CRYBG1: variants seen among roughly 807,000 people sequenced by gnomAD.
CRYBG1 encodes the protein beta/gamma crystallin domain-containing protein 1.
CRYBG1 carries 139 observed loss-of-function variants against 189.2 expected under a neutral mutation model. The ratio of observed to expected loss-of-function variants is 0.73; its 90% CI spans 0.64 to 0.85. CRYBG1 has a LOEUF of 0.85. Ranked by LOEUF, CRYBG1 falls within the 40% of genes least tolerant of loss-of-function variation. CRYBG1 has a pLI of 0.00. For synonymous variants in CRYBG1, 1,023 were observed against 1,017.1 expected (o/e 1.01, Z -0.11); for missense variants, 2,611 against 2,675.8 (o/e 0.98, Z 0.53).
At chr6:106,480,073 A>T (rs950518227) in intron 2 of CRYBG1, among the ~76,000 whole-genome samples, 3 of 151,782 alleles carry the variant, frequency 2.0e-5, no homozygotes, top group Non-Finnish European at 2.9e-5. Flanking sequence ...ATCCATTTTG[A>T]GTTATTTTTT....
At chr6:106,506,419 C>T (rs1773133751) in intron 2 of CRYBG1, among the ~76,000 whole-genome samples, 1 of 143,492 alleles carries the variant, frequency 7.0e-6, no homozygotes, top group African/African-American at 2.6e-5. Flanking sequence ...CATCACTTTA[C>T]TCAAAATGTT....
chr6:106,370,789 TG>T (rs1770008967), intron 1 of CRYBG1, among the ~76,000 whole-genome samples: 1 of 152,184 alleles, frequency 6.6e-6, no homozygotes, highest in Non-Finnish European at 1.5e-5. Context: ...ACTCCTGGCC[TG>T]TACCCACCTT....
chr6:106,519,807 G>T lies in CRYBG1; in HGVS notation c.2599G>T (p.Glu867Ter). The change falls in exon 4 of 22, where the codon GAG becomes TAG. Residue 867 changes from glutamate to a stop codon, truncating the protein, a stop_gained. Transcript: ENST00000633556. LOFTEE classifies it high-confidence loss of function. ...HTFSDSQSPAESSPGPSLSLS... is the reference protein window; with the variant it reads ...HTFSDSQSPA ...ATTTTCTGACTCACAGTCCCCTGCTGAGTCATCTCCTGGGCCTTCTCTTTC... is the reference window on the plus strand; with the variant it reads ...ATTTTCTGACTCACAGTCCCCTGCTTAGTCATCTCCTGGGCCTTCTCTTTC... 1 of 1,614,070 alleles carries T rather than the reference G, an allele frequency of 6.2e-7. No individual in the cohort carries two copies. Among genetic ancestry groups the T allele is most frequent in the South Asian group, 1.1e-5 (1 of 91,092 alleles).
rs1244793612 is a variant in CRYBG1, at chr6:106,571,922, T to C, written c.*3356T>C. The C allele has an allele frequency of 1.1e-6, 1 of 923,504 alleles. No homozygotes were observed. The highest frequency in any genetic ancestry group is 1.6e-5 in the African/African-American group (1 of 60,628). The allele number at this position is 923,504 out of a possible 1,614,324, so 57.2% of individuals were successfully genotyped here. On this transcript the variant is annotated 3_prime_UTR_variant, in exon 22 of 22. Coordinates refer to ENST00000633556, the MANE Select transcript of CRYBG1 (RefSeq NM_001371242.2). ...AATCTGGAAAAATGTTTGAAAGGGA[T>C]GGCTAGAAAAAAATTTGGGCTCACA...
intron 1 of CRYBG1, among the ~76,000 whole-genome samples, chr6:106,386,000 C>A (rs1233187097): frequency 6.6e-6 from 1 of 152,086 alleles, no homozygotes; most frequent in Non-Finnish European, 1.5e-5. Flanking sequence ...ACAACAACAA[C>A]AACAAAAAAC....
intron 1 of CRYBG1, among the ~76,000 whole-genome samples, chr6:106,392,862 C>T (rs1463779282): frequency 3.3e-5 from 5 of 152,030 alleles, no homozygotes; most frequent in African/African-American, 1.2e-4. Context: ...GCAACCTCCG[C>T]CTTCTGGGTT....
At chr6:106,449,051 A>C (rs1771725888) in intron 1 of CRYBG1, among the ~76,000 whole-genome samples, 1 of 152,198 alleles carries the variant, frequency 6.6e-6, no homozygotes, top group African/African-American at 2.4e-5. Context: ...GTTTTTTATC[A>C]GGCTTCTGTG....
At chr6:106,519,013 C>A in intron 3 of CRYBG1, 118 bp from the exon 4 acceptor site, 1 of 955,606 alleles carries the variant, frequency 1.0e-6, no homozygotes, top group Non-Finnish European at 1.5e-6. Flanking sequence ...ACACACCACA[C>A]TCCAAATGTT....
intron 1 of CRYBG1, among the ~76,000 whole-genome samples, chr6:106,438,060 G>A (rs1302565518): frequency 6.6e-6 from 1 of 151,948 alleles, no homozygotes; most frequent in Non-Finnish European, 1.5e-5. Flanking sequence ...TAAAGGGCAT[G>A]TACATCTTTT....
chr6:106,519,607 T>G lies in CRYBG1; in HGVS notation c.2399T>G (p.Val800Gly). 6.2e-7 allele frequency: 1 copy of G among 1,614,198 alleles called. No individual in the cohort carries two copies. Among genetic ancestry groups the G allele is most frequent in the Non-Finnish European group, 8.5e-7 (1 of 1,180,028 alleles). Residue 800 changes from valine (V) to glycine (G), a missense_variant, in exon 4 of 22, where the codon GTG (valine) becomes GGG (glycine). Val to Gly is a moderately radical substitution (Grantham distance 109). Coordinates refer to ENST00000633556, the MANE Select transcript of CRYBG1 (RefSeq NM_001371242.2). ...GATGCTGGCTGCCTTTCAGAACCAG[T>G]GGCTTCTGCTCTGATTCCTGTCAAG... ...QTDAGCLSEP[V>G]ASALIPVKDH... is the part of the protein sequence containing the mutation.
intron 1 of CRYBG1, among the ~76,000 whole-genome samples, chr6:106,401,874 C>T (rs1007331860): frequency 1.3e-5 from 2 of 150,920 alleles, no homozygotes; most frequent in African/African-American, 4.9e-5. Flanking sequence ...CATACGTGTG[C>T]ATGTGTCTTT....
intron 13 of CRYBG1, among the ~76,000 whole-genome samples, chr6:106,548,997 G>A (rs1420778079): frequency 6.8e-6 from 1 of 147,856 alleles, no homozygotes; most frequent in East Asian, 2.0e-4. Flanking sequence ...TGCGGTGTTT[G>A]GTTTTTTGTC....
chr6:106,454,484 A>T (rs1241071539), intron 2 of CRYBG1, among the ~76,000 whole-genome samples: 1 of 152,178 alleles, frequency 6.6e-6, no homozygotes, highest in African/African-American at 2.4e-5. Flanking sequence ...GGCACCTCCC[A>T]TACATTCCAA....
At chr6:106,429,514 A>C (rs767461977) in intron 1 of CRYBG1, among the ~76,000 whole-genome samples, 8 of 152,248 alleles carry the variant, frequency 5.3e-5, no homozygotes, top group Admixed American at 2.0e-4. Flanking sequence ...CACTTACTCT[A>C]GGCCAAAATA....
intron 8 of CRYBG1, 38 bp from the exon 9 acceptor site, chr6:106,539,365 G>A: frequency 6.2e-7 from 1 of 1,609,250 alleles, no homozygotes; most frequent in South Asian, 1.1e-5. Flanking sequence ...CAAATGATGA[G>A]TCGGCTCCCT....
intron 1 of CRYBG1, among the ~76,000 whole-genome samples, chr6:106,427,547 G>A (rs1771248769): frequency 6.6e-6 from 1 of 152,106 alleles, no homozygotes; most frequent in African/African-American, 2.4e-5. Context: ...TATCATCTTA[G>A]TCCATTCTTC....
intron 20 of CRYBG1, among the ~76,000 whole-genome samples, chr6:106,561,911 G>A (rs963683): frequency 0.94 from 143,628 of 152,242 alleles, 68,294 homozygotes; most frequent in East Asian, 1. Flanking sequence ...TCTGTGTGCT[G>A]CACAGTCCAT....
intron 21 of CRYBG1, among the ~76,000 whole-genome samples, chr6:106,565,005 G>C (rs550123263): frequency 1.6e-3 from 244 of 152,240 alleles, no homozygotes; most frequent in African/African-American, 5.7e-3. Context: ...TTAGGCCAAT[G>C]CTGTCATTAA....
rs769882846 is a variant in CRYBG1, at chr6:106,512,422, C to G, written c.1305C>G (p.Ala435=). The G allele has an allele frequency of 6.2e-7, 1 of 1,608,972 alleles. No individual in the cohort carries two copies. Among genetic ancestry groups the G allele is most frequent in the Non-Finnish European group, 8.5e-7 (1 of 1,178,410 alleles). ...QKSTDSPGAD[A]ELPESAARDD... ...CCACCGACTCCCCCGGCGCGGACGC[C>G]GAGCTCCCTGAGAGCGCTGCCAGGG... Residue 435 remains alanine (A), a synonymous_variant, in exon 3 of 22, where the codon GCC becomes GCG. Transcript: ENST00000633556.
Sources: gnomAD v4.1 joint callset for allele counts (sites outside exome capture counted in the v4.1 genomes callset) on GRCh38, gnomAD v4.1.1 for gene constraint, MANE v1.5 for transcripts, NCBI Gene and HGNC (gene_info 2026-07-23, HGNC 2026-07-21) for gene names.